TMEM131: variants seen among roughly 807,000 people sequenced by gnomAD.
TMEM131 encodes transmembrane protein 131.
A neutral mutation model predicts 211.6 loss-of-function variants in TMEM131; 66 were observed. That is an observed-to-expected ratio of 0.31 (90% confidence interval 0.26 to 0.38). The LOEUF is 0.38. Among genes scored for constraint, TMEM131 ranks in the 10% least tolerant of loss-of-function variants. The probability of loss-of-function intolerance (pLI) is 1.00; values close to 1 mark genes in which losing one functional copy is unlikely to be tolerated. For synonymous variants in TMEM131, 844 were observed against 841.3 expected, an observed-to-expected ratio of 1.00 and a Z score of -0.06; for missense variants, 2,036 against 2,299.3, an observed-to-expected ratio of 0.89 and a Z score of 2.34.
intron 32 of TMEM131, among the ~76,000 whole-genome samples, chr2:97,773,951 G>C (rs1023260027): frequency 6.6e-6 from 1 of 152,214 alleles, no homozygotes; most frequent in Non-Finnish European, 1.5e-5. Flanking sequence ...GACAGATGGG[G>C]AAGGACGTAC....
chr2:97,990,934 G>A (rs146755373), intron 1 of TMEM131, among the ~76,000 whole-genome samples: 186 of 152,192 alleles, frequency 1.2e-3, no homozygotes, highest in Non-Finnish European at 2.1e-3. Flanking sequence ...GCTGTCAAAC[G>A]TTACTCTGCC....
At chr2:97,944,517 A>G (rs1444766052) in intron 1 of TMEM131, among the ~76,000 whole-genome samples, 2 of 152,208 alleles carry the variant, frequency 1.3e-5, no homozygotes, top group Admixed American at 1.3e-4. Flanking sequence ...ACTATCAATA[A>G]AGTGAAAAGA....
chr2:97,951,794 A>C (rs1678330206), intron 1 of TMEM131, among the ~76,000 whole-genome samples: 1 of 152,046 alleles, frequency 6.6e-6, no homozygotes, highest in African/African-American at 2.4e-5. Flanking sequence ...TAGCCAGTCC[A>C]CCCGCTTTCC....
rs767453343 is a variant in TMEM131 at position 97,766,223 on chromosome 2, T to G, written c.4614A>C (p.Ala1538=). The G allele has an allele frequency of 2.5e-6, 4 of 1,614,080 alleles. No individual in the cohort carries two copies. The highest frequency in any genetic ancestry group is 3.4e-6 in the Non-Finnish European group (4 of 1,179,900). Residue 1538 remains alanine (A), a synonymous_variant, in exon 35 of 41, where the codon GCA becomes GCC. Coordinates refer to ENST00000186436, the MANE Select transcript of TMEM131 (RefSeq NM_015348.2). ...ATTCTTGACTATTCGGGAGGAATTT[T>G]GCTAGGGCAGGTGGTCTGTTATCCA... ...KLVDNRPPAL[A]KFLPNSQELG...
At position 97,759,694 on chromosome 2, in the gene TMEM131, T is replaced by C; in HGVS notation, c.5164A>G (p.Asn1722Asp). Residue 1722 changes from asparagine (N) to aspartate (D), a missense_variant, in exon 39 of 41, where the codon AAT (asparagine) becomes GAT (aspartate). By Grantham distance (23) the Asn-to-Asp change is conservative (BLOSUM62 1). Transcript: ENST00000186436. ...NPSSPDFTPL[N>D]SFSAFGNSFN... is the part of the protein sequence containing the mutation. ...GAGTTTCCAAAGGCGGAGAACGAATTGAGGGGAGTGAAGTCAGGGCTGCTT... is the reference window on the plus strand; with the variant it reads ...GAGTTTCCAAAGGCGGAGAACGAATCGAGGGGAGTGAAGTCAGGGCTGCTT... 6 of 1,613,654 alleles carry C rather than the reference T, an allele frequency of 3.7e-6. No homozygotes were observed. Among genetic ancestry groups the C allele is most frequent in the Non-Finnish European group, 3.4e-6 (4 of 1,179,806 alleles).
chr2:97,986,348 G>A (rs1054018843), intron 1 of TMEM131, among the ~76,000 whole-genome samples: 18 of 152,144 alleles, frequency 1.2e-4, no homozygotes, highest in Non-Finnish European at 2.2e-4. Flanking sequence ...GGAAAAGAGT[G>A]AGGAGAGGGA....
At chr2:97,774,998 T>TC (rs1167705904) in intron 32 of TMEM131, among the ~76,000 whole-genome samples, 1 of 152,166 alleles carries the variant, frequency 6.6e-6, no homozygotes, top group African/African-American at 2.4e-5. Context: ...CTGCTGGAAA[T>TC]CTGTAAGAAG....
chr2:97,857,382 T>G (rs1215504896), intron 5 of TMEM131, among the ~76,000 whole-genome samples: 1 of 152,172 alleles, frequency 6.6e-6, no homozygotes, highest in African/African-American at 2.4e-5. Flanking sequence ...TAGCCCAGTT[T>G]AAGAATCTGT....
intron 4 of TMEM131, among the ~76,000 whole-genome samples, chr2:97,861,795 G>A (rs2105186082): frequency 6.6e-6 from 1 of 152,236 alleles, no homozygotes; most frequent in Middle Eastern, 3.4e-3. Flanking sequence ...TGGGACCTGG[G>A]GGAACTCACT....
chr2:97,896,643 T>C (rs528244008), intron 3 of TMEM131, among the ~76,000 whole-genome samples: 2 of 152,212 alleles, frequency 1.3e-5, no homozygotes, highest in Non-Finnish European at 2.9e-5. Flanking sequence ...TTGATCTTTG[T>C]TGGTTTCAAG....
chr2:97,995,221 G>A (rs552427687), intron 1 of TMEM131, among the ~76,000 whole-genome samples: 29 of 152,358 alleles, frequency 1.9e-4, no homozygotes, highest in African/African-American at 7.0e-4. Flanking sequence ...GGGCCAAGTG[G>A]CAAGAACGTA....
intron 2 of TMEM131, among the ~76,000 whole-genome samples, chr2:97,918,563 G>A (rs1676607650): frequency 6.6e-6 from 1 of 151,918 alleles, no homozygotes; most frequent in Non-Finnish European, 1.5e-5. Flanking sequence ...TGAGAATGTA[G>A]GAAATCCCAC....
At chr2:97,976,373 T>C (rs1394261473) in intron 1 of TMEM131, among the ~76,000 whole-genome samples, 1 of 152,202 alleles carries the variant, frequency 6.6e-6, no homozygotes. Flanking sequence ...TACTTCTATA[T>C]ACTAGCAATG....
In TMEM131 at chr2:97,807,761, C is replaced by T. The variant is rs546046882; in HGVS notation, c.2055+1927G>A. Among the ~76,000 whole-genome samples the T allele has an allele frequency of 5.9e-5, 9 of 152,142 alleles. No individual in the cohort carries two copies. The East Asian group carries it at 7.7e-4, about 13-fold the overall frequency. On this transcript the variant is annotated intron_variant, in intron 19 of 40. Coordinates refer to ENST00000186436, the MANE Select transcript of TMEM131 (RefSeq NM_015348.2). ...CTGAACTTTTCCCTGCCAGAGTTTA[C>T]GCAGAGATTAAGGACATCATTGATT... is the stretch of plus-strand genomic sequence containing the variant.
At chr2:97,899,558 A>T (rs954850365) in intron 3 of TMEM131, among the ~76,000 whole-genome samples, 2 of 152,188 alleles carry the variant, frequency 1.3e-5, no homozygotes, top group African/African-American at 4.8e-5. Flanking sequence ...CTATCAGATC[A>T]GCAAAAATAA....
In TMEM131 at chr2:97,995,740, G is replaced by C; in HGVS notation, c.-78C>G. The C allele has an allele frequency of 9.2e-7, 1 of 1,085,290 alleles. No homozygotes were observed. The highest frequency in any genetic ancestry group is 1.1e-6 in the Non-Finnish European group (1 of 878,468). 67.2% of individuals were successfully genotyped at this position (1,085,290 alleles called of 1,614,324 possible). A position where few individuals can be genotyped will look rare whatever the true frequency, so the allele number is the denominator to read the frequency against. ...GAGGCGGCGGCGGCGCGGAAGCCGTGGTCCGGGCTCTGGCCGCGGCGCCGG... is the reference window on the plus strand; with the variant it reads ...GAGGCGGCGGCGGCGCGGAAGCCGTCGTCCGGGCTCTGGCCGCGGCGCCGG... On this transcript the variant is annotated 5_prime_UTR_variant, in exon 1 of 41. Transcript: ENST00000186436.
rs951549480 is a variant in TMEM131 at position 97,760,797 on chromosome 2, G to A, written c.5007C>T (p.Ser1669=). The change falls in exon 37 of 41, where the codon AGC becomes AGT. Residue 1669 remains serine (S), a synonymous_variant. Transcript: ENST00000186436. ...FAAVTAGYDK[S]PGGNGFAKVS... is the part of the protein sequence containing the mutation. ...CTCTGAAGCAAAGGCACTGACCTGGGCTCTTGTCGTAGCCAGCCGTGACTG... is the reference window on the plus strand; with the variant it reads ...CTCTGAAGCAAAGGCACTGACCTGGACTCTTGTCGTAGCCAGCCGTGACTG... 1.9e-6 allele frequency: 3 copies of A among 1,613,898 alleles called. No individual in the cohort carries two copies. Among genetic ancestry groups the A allele is most frequent in the African/African-American group, 2.7e-5 (2 of 74,928 alleles).
rs1460660832 is a variant in TMEM131 at position 97,792,635 on chromosome 2, C to T, written c.3895G>A (p.Glu1299Lys). 2.5e-6 allele frequency: 4 copies of T among 1,613,428 alleles called. No homozygotes were observed. In the African/African-American group the frequency reaches 5.3e-5, roughly 22 times the overall value. ...GSQHHAHSPL[E>K]QHPQPPLPPP... Reference sequence around the variant, plus strand: ...GGCAGAGGAGGCTGAGGGTGCTGCTCCAGCGGGCTGTGGGCATGGTGCTGG... The same window carrying T: ...GGCAGAGGAGGCTGAGGGTGCTGCTTCAGCGGGCTGTGGGCATGGTGCTGG... Residue 1299 changes from glutamate (E) to lysine (K), a missense_variant, in exon 31 of 41, where the codon GAG (glutamate) becomes AAG (lysine). By Grantham distance (56) the Glu-to-Lys change is moderately conservative. Transcript: ENST00000186436.
intron 5 of TMEM131, among the ~76,000 whole-genome samples, chr2:97,855,365 A>G (rs1673797942): frequency 6.6e-6 from 1 of 152,212 alleles, no homozygotes; most frequent in Non-Finnish European, 1.5e-5. Context: ...TCTTATTAAT[A>G]TACCCAAATA....
Sources: gnomAD v4.1 joint callset for allele counts (sites outside exome capture counted in the v4.1 genomes callset) on GRCh38, gnomAD v4.1.1 for gene constraint, MANE v1.5 for transcripts, NCBI Gene and HGNC (gene_info 2026-07-23, HGNC 2026-07-21) for gene names.